Variants in CFLAR observed in about 807,000 individuals in gnomAD.
CFLAR encodes CASP8 and FADD-like apoptosis regulator.
Under a neutral mutation model 51.1 loss-of-function variants are expected in CFLAR, and 14 were observed. The ratio of observed to expected loss-of-function variants is 0.27; its 90% CI spans 0.18 to 0.43. CFLAR has a LOEUF of 0.43. Among genes scored for constraint, CFLAR ranks in the 20% least tolerant of loss-of-function variants. CFLAR has a pLI of 1.00. For missense variants in CFLAR, 390 were observed against 566.5 expected (o/e 0.69, Z 3.16); for synonymous variants, 210 against 211.6 (o/e 0.99, Z 0.06).
chr2:201,163,496 G>A (rs2125947767), intron 9 of CFLAR: 1 of 1,133,616 alleles, frequency 8.8e-7, no homozygotes, highest in East Asian at 5.8e-5. Context: ...GCGGGGGTTA[G>A]AGCAGGAGCC....
intron 4 of CFLAR, chr2:201,136,766 T>G (rs1041815346): frequency 2.6e-6 from 1 of 386,486 alleles, no homozygotes; most frequent in African/African-American, 2.0e-5. Context: ...TGATCAAAGA[T>G]CAAAAACAGA....
In CFLAR at chr2:201,126,289, G is replaced by A. The variant is rs370136775; in HGVS notation, c.-137-3440G>A. ...AGGAAAGTAAACAGTTCCAGGTGCA[G>A]GGGCTTTAAGACTATTACAAGGTGA... On this transcript the variant is annotated intron_variant, in intron 1 of 9. Transcript: ENST00000309955. 2.6e-5 allele frequency among the ~76,000 whole-genome samples: 4 copies of A among 152,308 alleles called. No homozygotes were observed. In the East Asian group the frequency reaches 7.7e-4, roughly 29 times the overall value.
intron 8 of CFLAR, among the ~76,000 whole-genome samples, chr2:201,152,104 A>C (rs1250614589): frequency 6.6e-6 from 1 of 151,774 alleles, no homozygotes; most frequent in African/African-American, 2.4e-5. Context: ...CTCCTGCCTC[A>C]GCCTCCCGAG....
intron 1 of CFLAR, among the ~76,000 whole-genome samples, chr2:201,117,446 G>C (rs1444182536): frequency 6.6e-6 from 1 of 152,194 alleles, no homozygotes. Flanking sequence ...CCACGGGCAG[G>C]AAGTAAATTC....
rs750123826 is a variant in CFLAR, at chr2:201,160,538, C to G, written c.900C>G (p.Pro300=). 1.2e-6 allele frequency: 2 copies of G among 1,613,908 alleles called. No individual in the cohort carries two copies. Among genetic ancestry groups the G allele is most frequent in the Non-Finnish European group, 8.5e-7 (1 of 1,179,994 alleles). Residue 300 remains proline, a synonymous_variant, in exon 9 of 10, where the codon CCC becomes CCG. Coordinates refer to ENST00000309955, the MANE Select transcript of CFLAR (RefSeq NM_003879.7). ...TTCTTGGCCAATTTGCCTGTATGCCCGAGCACCGAGACTACGACAGCTTTG... is the reference window on the plus strand; with the variant it reads ...TTCTTGGCCAATTTGCCTGTATGCCGGAGCACCGAGACTACGACAGCTTTG... The part of the protein sequence containing the change: ...SQILGQFACM[P]EHRDYDSFVC...
chr2:201,139,546 T>G (rs1242530360), intron 4 of CFLAR: 2 of 153,974 alleles, frequency 1.3e-5, no homozygotes, highest in African/African-American at 4.8e-5. Flanking sequence ...AAAACCTGAT[T>G]GTATGTTCCA....
At chr2:201,122,709 T>A (rs1180647821) in intron 1 of CFLAR, 1 of 152,204 alleles carries the variant, frequency 6.6e-6, no homozygotes, top group Non-Finnish European at 1.5e-5. Flanking sequence ...AAGACAAGCT[T>A]ATAGAAGAGA....
chr2:201,141,573 A>G (rs1002231003), intron 5 of CFLAR: 1 of 1,313,872 alleles, frequency 7.6e-7, no homozygotes. Flanking sequence ...TAATAATGCT[A>G]TAAAATAAAT....
chr2:201,132,875 T>C, intron 2 of CFLAR, 154 bp from the exon 3 acceptor site: 1 of 612,332 alleles, frequency 1.6e-6, no homozygotes, highest in Middle Eastern at 2.8e-4. Context: ...CTTCCTGGGG[T>C]GATCTAGGCT....
rs1265321603 is a variant in CFLAR, at chr2:201,173,006, T to C, written c.*9033T>C. ...TTCAAAGTAGTAGCATCATTTTATA[T>C]TCCCACCAGCAGTGTATGAGGTTTT... On this transcript the variant is annotated 3_prime_UTR_variant, in exon 10 of 10. Transcript: ENST00000309955. 6.6e-6 allele frequency: 1 copy of C among 152,250 alleles called. No homozygotes were observed. Among genetic ancestry groups the C allele is most frequent in the African/African-American group, 2.4e-5 (1 of 41,460 alleles). 9.4% of individuals were successfully genotyped at this position (152,250 alleles called of 1,614,324 possible).
At chr2:201,139,948 A>C in intron 4 of CFLAR, 1 of 199,222 alleles carries the variant, frequency 5.0e-6, no homozygotes, top group South Asian at 5.8e-5. Flanking sequence ...ACAGGTGTGG[A>C]GGGGCAACCC....
intron 1 of CFLAR, among the ~76,000 whole-genome samples, chr2:201,117,750 C>CTTTTTTTTTTTTTT (rs1174973596): frequency 8.8e-6 from 1 of 113,888 alleles, no homozygotes; most frequent in Non-Finnish European, 1.8e-5. Context: ...GCTCCAAGAT[C>CTTTTTTTTTTTTTT]TTTTTTTTTT....
chr2:201,132,915 C>T (rs2049523854), intron 2 of CFLAR, 114 bp from the exon 3 acceptor site: 1 of 1,074,218 alleles, frequency 9.3e-7, no homozygotes, highest in African/African-American at 1.6e-5. Flanking sequence ...GACATATTTA[C>T]ACAGGGGCAA....
In CFLAR at chr2:201,149,687, A is replaced by G. The variant is rs1207863147; in HGVS notation, c.712-67A>G. ...GGAAATCCAAAAGAAGAGATGGTAT[A>G]TGGGTGGGACCTTATAGAAACAGAG... is the stretch of plus-strand genomic sequence containing the variant. On this transcript the variant is annotated intron_variant, in intron 7 of 9. Transcript: ENST00000309955. 4.9e-6 allele frequency: 6 copies of G among 1,221,988 alleles called. No individual in the cohort carries two copies. In the East Asian group the frequency reaches 7.0e-5, roughly 14 times the overall value. The allele number at this position is 1,221,988 out of a possible 1,614,324, so 75.7% of individuals were successfully genotyped here.
chr2:201,135,907 A>G, intron 3 of CFLAR, 65 bp from the exon 4 acceptor site: 2 of 1,562,128 alleles, frequency 1.3e-6, no homozygotes, highest in South Asian at 1.2e-5. Context: ...GATTACAGGT[A>G]TGAACTTCTG....
rs566189151 is a variant in CFLAR, at chr2:201,126,257, T to G, written c.-137-3472T>G. 4.6e-5 allele frequency among the ~76,000 whole-genome samples: 7 copies of G among 152,206 alleles called. No homozygotes were observed. In the East Asian group the frequency reaches 1.3e-3, roughly 29 times the overall value. On this transcript the variant is annotated intron_variant, in intron 1 of 9. Transcript: ENST00000309955. The stretch of plus-strand genomic sequence containing the variant: ...TAGGCAAAAAAGTTAAAAGGATAAA[T>G]GGTTACAGGAAAGTAAACAGTTCCA...
chr2:201,162,090 A>C (rs765727976), intron 9 of CFLAR, among the ~76,000 whole-genome samples: 1 of 151,968 alleles, frequency 6.6e-6, no homozygotes, highest in Non-Finnish European at 1.5e-5. Context: ...ACAGTCATGT[A>C]GAAGTATATC....
intron 1 of CFLAR, among the ~76,000 whole-genome samples, chr2:201,120,674 A>G (rs987801893): frequency 6.6e-6 from 1 of 152,174 alleles, no homozygotes; most frequent in African/African-American, 2.4e-5. Flanking sequence ...CAGGGTAATG[A>G]GTTTCTTTAG....
chr2:201,148,087 T>C (rs1055572325), intron 6 of CFLAR, among the ~76,000 whole-genome samples: 9 of 152,136 alleles, frequency 5.9e-5, no homozygotes, highest in Non-Finnish European at 1.5e-5. Flanking sequence ...ATATAATTGC[T>C]AAAATACAAA....
Sources: gnomAD v4.1 joint callset for allele counts (sites outside exome capture counted in the v4.1 genomes callset) on GRCh38, gnomAD v4.1.1 for gene constraint, MANE v1.5 for transcripts, NCBI Gene and HGNC (gene_info 2026-07-23, HGNC 2026-07-21) for gene names.